SLC4A4: variants seen among roughly 807,000 people sequenced by gnomAD.
SLC4A4 encodes the protein electrogenic sodium bicarbonate cotransporter 1.
A neutral mutation model predicts 111.5 loss-of-function variants in SLC4A4; 27 were observed. The ratio of observed to expected loss-of-function variants is 0.24; its 90% CI spans 0.18 to 0.33. The LOEUF is 0.33. SLC4A4 is among the 10% of genes least tolerant of loss of function. SLC4A4 has a pLI of 1.00. For missense variants in SLC4A4, 909 were observed against 1,315.5 expected (o/e 0.69, Z 4.78); for synonymous variants, 443 against 463.4 (o/e 0.96, Z 0.57).
intron 7 of SLC4A4, among the ~76,000 whole-genome samples, chr4:71,421,694 C>T (rs1421807596): frequency 6.6e-6 from 1 of 152,068 alleles, no homozygotes; most frequent in African/African-American, 2.4e-5. Flanking sequence ...ACTCAAAACC[C>T]CTCAACTTCA....
rs150381546 is a variant in SLC4A4 at position 71,467,280 on chromosome 4, C to T, written c.1631+703C>T. On this transcript the variant is annotated intron_variant, in intron 13 of 25. Transcript: ENST00000264485. ...GAAATTAAATTGATTAAGTTCACAT[C>T]ATTCAATAATGAAAGAGACTGGATG... is the stretch of plus-strand genomic sequence containing the variant. 1.7e-3 allele frequency among the ~76,000 whole-genome samples: 258 copies of T among 152,224 alleles called. 2 individuals are homozygous for T. The highest frequency in any genetic ancestry group is 6.0e-3 in the African/African-American group (249 of 41,558).
intron 12 of SLC4A4, among the ~76,000 whole-genome samples, chr4:71,456,606 G>A (rs1285119725): frequency 1.3e-5 from 2 of 152,110 alleles, no homozygotes; most frequent in Non-Finnish European, 2.9e-5. Flanking sequence ...CAGGTCTATG[G>A]CAGAAGTTGA....
At chr4:71,401,578 T>C (rs911905046) in intron 7 of SLC4A4, among the ~76,000 whole-genome samples, 1 of 152,176 alleles carries the variant, frequency 6.6e-6, no homozygotes, top group Non-Finnish European at 1.5e-5. Context: ...TCTTATTCTT[T>C]TTCTGTTCTT....
chr4:71,425,662 C>T (rs1417341078), intron 7 of SLC4A4, among the ~76,000 whole-genome samples: 1 of 152,016 alleles, frequency 6.6e-6, no homozygotes, highest in Non-Finnish European at 1.5e-5. Flanking sequence ...TGGTTCAGTC[C>T]AGAAAGCAAG....
intron 3 of SLC4A4, among the ~76,000 whole-genome samples, chr4:71,315,713 G>A (rs17749605): frequency 0.026 from 4,009 of 152,228 alleles, 76 homozygotes; most frequent in Middle Eastern, 0.051. Flanking sequence ...TAAAGACAAA[G>A]TATGGAGGTT....
chr4:71,277,179 G>A (rs1470968012), intron 3 of SLC4A4, among the ~76,000 whole-genome samples: 2 of 152,084 alleles, frequency 1.3e-5, no homozygotes, highest in African/African-American at 2.4e-5. Context: ...TTGCTTGGTC[G>A]TGTGGTGAAT....
At chr4:71,376,343 G>A (rs1578955037) in intron 6 of SLC4A4, among the ~76,000 whole-genome samples, 1 of 149,102 alleles carries the variant, frequency 6.7e-6, no homozygotes, top group Non-Finnish European at 1.5e-5. Context: ...CTGGGACTAC[G>A]GGCACCCGCC....
chr4:71,218,513 G>T (rs1449191113), intron 1 of SLC4A4, among the ~76,000 whole-genome samples: 1 of 152,120 alleles, frequency 6.6e-6, no homozygotes, highest in Non-Finnish European at 1.5e-5. Context: ...TTAGAATGGT[G>T]CTTAGTGTTC....
chr4:71,243,778 A>T (rs887509245), intron 2 of SLC4A4, among the ~76,000 whole-genome samples: 1 of 152,172 alleles, frequency 6.6e-6, no homozygotes, highest in Non-Finnish European at 1.5e-5. Context: ...CTGCCTTTCC[A>T]TAGAGTTAGA....
chr4:71,473,909 G>A (rs895025305), intron 14 of SLC4A4, among the ~76,000 whole-genome samples: 1 of 151,740 alleles, frequency 6.6e-6, no homozygotes, highest in Non-Finnish European at 1.5e-5. Flanking sequence ...AACTCAAATT[G>A]CAGTATTTGC....
chr4:71,319,735 C>T lies in SLC4A4; in HGVS notation c.254-19635C>T, dbSNP rs137946419. ...GAATCGCAAAATTTGATTCCTCCAG[C>T]CATGGATGTACCTTTAGTATTCTCT... On this transcript the variant is annotated intron_variant, in intron 3 of 25. Transcript: ENST00000264485. 4.6e-5 allele frequency among the ~76,000 whole-genome samples: 7 copies of T among 152,066 alleles called. No homozygotes were observed. In the East Asian group the frequency reaches 1.4e-3, roughly 29 times the overall value.
rs1473083133 is a variant in SLC4A4, at chr4:71,569,444, T to C, written c.*1693T>C. On this transcript the variant is annotated 3_prime_UTR_variant, in exon 26 of 26. Coordinates refer to ENST00000264485, the MANE Select transcript of SLC4A4 (RefSeq NM_001098484.3). ...GACATTTAGAATATATTTGTGTACA[T>C]ATTATATGTATGTATATTTCAAAGT... 2.0e-5 allele frequency: 3 copies of C among 151,702 alleles called. No individual in the cohort carries two copies. The highest frequency in any genetic ancestry group is 4.4e-5 in the Non-Finnish European group (3 of 67,800). The allele number at this position is 151,702 out of a possible 1,614,324, so 9.4% of individuals were successfully genotyped here. A position where few individuals can be genotyped will look rare whatever the true frequency, so the allele number is the denominator to read the frequency against.
chr4:71,101,917 T>C lies in SLC4A4; in HGVS notation c.-2+9125T>C, dbSNP rs533919329. ...TCACCAGCAATGGAACAAAGCTGGA[T>C]GGAGAATGACTTTGGCGAGCTGAGA... is the stretch of plus-strand genomic sequence containing the variant. On this transcript the variant is annotated intron_variant, in intron 2 of 26. Coordinates refer to the SLC4A4 transcript ENST00000649996. Among the ~76,000 whole-genome samples, 622 of 151,970 alleles carry C rather than the reference T, an allele frequency of 4.1e-3. 3 individuals are homozygous for C. The highest frequency in any genetic ancestry group is 4.6e-3 in the Non-Finnish European group (316 of 67,978).
intron 16 of SLC4A4, among the ~76,000 whole-genome samples, chr4:71,522,175 T>C (rs1732999624): frequency 6.6e-6 from 1 of 152,214 alleles, no homozygotes; most frequent in South Asian, 2.1e-4. Context: ...GGTGTATCAG[T>C]CTGTTATCCC....
chr4:71,215,337 A>T (rs1718365508), intron 1 of SLC4A4, among the ~76,000 whole-genome samples: 1 of 152,192 alleles, frequency 6.6e-6, no homozygotes, highest in South Asian at 2.1e-4. Flanking sequence ...GCAGATGGTT[A>T]TGCTTTCAAA....
At chr4:71,167,988 T>G (rs538366656) in intron 2 of SLC4A4, among the ~76,000 whole-genome samples, 1 of 152,136 alleles carries the variant, frequency 6.6e-6, no homozygotes, top group East Asian at 1.9e-4. Flanking sequence ...TTTTTTATTT[T>G]TTGAAATTAT....
chr4:71,079,711 G>C (rs1741941165), intron 1 of SLC4A4, among the ~76,000 whole-genome samples: 1 of 151,884 alleles, frequency 6.6e-6, no homozygotes, highest in Non-Finnish European at 1.5e-5. Context: ...GGGAGGTCAA[G>C]GCTGCAGTGA....
intron 12 of SLC4A4, among the ~76,000 whole-genome samples, chr4:71,464,435 T>C (rs1727129472): frequency 6.6e-6 from 1 of 152,168 alleles, no homozygotes; most frequent in Admixed American, 6.6e-5. Flanking sequence ...CTGGTTTCTG[T>C]CCCTGTGAGG....
chr4:71,457,912 G>A (rs1726436955), intron 12 of SLC4A4, among the ~76,000 whole-genome samples: 1 of 151,970 alleles, frequency 6.6e-6, no homozygotes, highest in Non-Finnish European at 1.5e-5. Context: ...ATTATCTCTA[G>A]GTTACTTATA....
Sources: allele counts gnomAD v4.1 joint callset (sites outside exome capture counted in the v4.1 genomes callset), GRCh38; gene constraint gnomAD v4.1.1; transcripts MANE v1.5; gene names NCBI Gene and HGNC (gene_info 2026-07-23, HGNC 2026-07-21).